Variants in TENM3 observed in about 807,000 individuals in gnomAD.
The protein encoded by TENM3 is teneurin-3.
A neutral mutation model predicts 255.1 loss-of-function variants in TENM3; 63 were observed. The ratio of observed to expected loss-of-function variants is 0.25; its 90% CI spans 0.20 to 0.30. TENM3 has a LOEUF of 0.30. Ranked by LOEUF, TENM3 falls within the 10% of genes least tolerant of loss-of-function variation. TENM3 has a pLI of 1.00. For synonymous variants in TENM3, 1,306 were observed against 1,322.3 expected, an observed-to-expected ratio of 0.99 and a Z score of 0.27; for missense variants, 2,929 against 3,461.1, an observed-to-expected ratio of 0.85 and a Z score of 3.86.
At chr4:182,162,106 A>T (rs1307038762) in intron 1 of TENM3, among the ~76,000 whole-genome samples, 1 of 151,148 alleles carries the variant, frequency 6.6e-6, no homozygotes, top group East Asian at 2.0e-4. Flanking sequence ...CTGTCCTCAA[A>T]CTCATGGGCT....
the TENM3 span, among the ~76,000 whole-genome samples, chr4:181,605,592 A>AAAGAAAG: frequency 1.6e-4 from 19 of 116,044 alleles, 2 homozygotes; most frequent in Non-Finnish European, 3.3e-4. Context: ...AAGGAAAGAA[A>AAAGAAAG]GAAAGAAAGA....
At chr4:181,567,074 C>T in the TENM3 span, among the ~76,000 whole-genome samples, 2 of 152,086 alleles carry the variant, frequency 1.3e-5, no homozygotes, top group African/African-American at 2.4e-5. Context: ...ATGAGGGATT[C>T]GTGCAAATGA....
the TENM3 span, among the ~76,000 whole-genome samples, chr4:181,752,990 T>G: frequency 6.6e-5 from 10 of 152,164 alleles, no homozygotes; most frequent in Non-Finnish European, 1.2e-4. Flanking sequence ...AAACCTAACA[T>G]TGGATGTGGA....
chr4:182,456,469 G>A (rs1233264690), intron 3 of TENM3, among the ~76,000 whole-genome samples: 1 of 152,188 alleles, frequency 6.6e-6, no homozygotes, highest in African/African-American at 2.4e-5. Flanking sequence ...TCCGATAGGT[G>A]TTAGGTGTTT....
intron 3 of TENM3, among the ~76,000 whole-genome samples, chr4:182,480,640 A>G (rs719630): frequency 0.56 from 84,983 of 151,846 alleles, 24,916 homozygotes; most frequent in East Asian, 0.68. Flanking sequence ...TTCTATTTGG[A>G]ACTCTGTATC....
the TENM3 span, among the ~76,000 whole-genome samples, chr4:181,723,134 T>C: frequency 4.3e-4 from 65 of 152,026 alleles, no homozygotes; most frequent in African/African-American, 1.4e-3. Context: ...TCAAGATAAA[T>C]AAAGTACTGG....
At chr4:181,465,567 G>A in the TENM3 span, among the ~76,000 whole-genome samples, 1 of 152,140 alleles carries the variant, frequency 6.6e-6, no homozygotes, top group Non-Finnish European at 1.5e-5. Flanking sequence ...TGCAAAAATA[G>A]TTACATAAAT....
At chr4:181,576,455 G>T in the TENM3 span, among the ~76,000 whole-genome samples, 1 of 152,166 alleles carries the variant, frequency 6.6e-6, no homozygotes, top group Non-Finnish European at 1.5e-5. Context: ...TAGTGGGATT[G>T]CTGGATCATG....
At chr4:181,531,056 C>T in the TENM3 span, among the ~76,000 whole-genome samples, 1 of 152,084 alleles carries the variant, frequency 6.6e-6, no homozygotes, top group Non-Finnish European at 1.5e-5. Context: ...TAATGAATGA[C>T]TATTAGCATC....
intron 2 of TENM3, among the ~76,000 whole-genome samples, chr4:182,342,983 A>G (rs1764582184): frequency 6.6e-6 from 1 of 152,210 alleles, no homozygotes; most frequent in Non-Finnish European, 1.5e-5. Context: ...TTCTTTTATT[A>G]AAGAGGGAGC....
At chr4:181,929,691 T>C in the TENM3 span, among the ~76,000 whole-genome samples, 2 of 152,154 alleles carry the variant, frequency 1.3e-5, no homozygotes, top group African/African-American at 4.8e-5. Context: ...CTAATAAACA[T>C]CTACAGAACT....
At chr4:182,250,651 A>G (rs1034447279) in intron 1 of TENM3, among the ~76,000 whole-genome samples, 16 of 152,216 alleles carry the variant, frequency 1.1e-4, no homozygotes, top group Non-Finnish European at 2.4e-4. Context: ...TTACGTGTGA[A>G]TGATTTCCAG....
the TENM3 span, among the ~76,000 whole-genome samples, chr4:182,132,058 A>AAT: frequency 6.6e-6 from 1 of 152,218 alleles, no homozygotes; most frequent in Non-Finnish European, 1.5e-5. Context: ...TGAATAGATG[A>AAT]ATAATGGAGG....
chr4:182,229,063 A>G (rs1349629862), intron 1 of TENM3, among the ~76,000 whole-genome samples: 1 of 152,182 alleles, frequency 6.6e-6, no homozygotes, highest in Non-Finnish European at 1.5e-5. Flanking sequence ...TAAACACCCA[A>G]ATATATTTGC....
At chr4:182,029,168 A>G in the TENM3 span, among the ~76,000 whole-genome samples, 5 of 152,114 alleles carry the variant, frequency 3.3e-5, no homozygotes, top group South Asian at 1.0e-3. Context: ...GAATTTGCAC[A>G]TCACATGGCA....
the TENM3 span, among the ~76,000 whole-genome samples, chr4:181,558,189 T>TA: frequency 6.6e-6 from 1 of 152,156 alleles, no homozygotes; most frequent in Admixed American, 6.5e-5. Context: ...AAGTACTTTG[T>TA]AAAAGCCTCA....
chr4:181,490,430 G>A, the TENM3 span, among the ~76,000 whole-genome samples: 739 of 152,158 alleles, frequency 4.9e-3, 8 homozygotes, highest in African/African-American at 0.016. Flanking sequence ...CTGGGACAAC[G>A]CTAATACTGC....
chr4:182,372,613 G>A lies in TENM3; in HGVS notation c.511+25684G>A, dbSNP rs141164385. Among the ~76,000 whole-genome samples, 39 of 151,900 alleles carry A rather than the reference G, an allele frequency of 2.6e-4. No individual in the cohort carries two copies. In the East Asian group the frequency reaches 7.6e-3, roughly 29 times the overall value. ...TAAATACCTTGTCCTCAAAATTTTA[G>A]TTTACATAGTAAATAGTGGTCACCT... On this transcript the variant is annotated intron_variant, in intron 3 of 27. Transcript: ENST00000511685.
At chr4:182,078,295 G>A in the TENM3 span, among the ~76,000 whole-genome samples, 5 of 152,112 alleles carry the variant, frequency 3.3e-5, no homozygotes, top group South Asian at 4.2e-4. Context: ...AGGCTGAGGC[G>A]GCTGGATCAT....
Sources: allele counts gnomAD v4.1 joint callset (sites outside exome capture counted in the v4.1 genomes callset), GRCh38; gene constraint gnomAD v4.1.1; transcripts MANE v1.5; gene names NCBI Gene and HGNC (gene_info 2026-07-23, HGNC 2026-07-21).